The following ANO3 variants were observed in gnomAD, a reference collection of about 807,000 sequenced individuals.
ANO3 encodes anoctamin-3.
In ANO3, 99 loss-of-function variants were observed where a neutral mutation model predicts 144.8. The ratio of observed to expected loss-of-function variants is 0.68; its 90% CI spans 0.58 to 0.81. The LOEUF is 0.81. Among genes scored for constraint, ANO3 ranks in the 30% least tolerant of loss-of-function variants. The pLI is 0.00. For synonymous variants in ANO3, 414 were observed against 392.6 expected, an observed-to-expected ratio of 1.05 and a Z score of -0.64; for missense variants, 905 against 1,202.2, an observed-to-expected ratio of 0.75 and a Z score of 3.66.
intron 1 of ANO3, among the ~76,000 whole-genome samples, chr11:26,239,857 T>C (rs548164919): frequency 2.8e-4 from 43 of 152,346 alleles, no homozygotes; most frequent in African/African-American, 1.0e-3. Context: ...TTGAAGATTT[T>C]TACTCTACTT....
chr11:26,493,896 T>G (rs1332576851), intron 4 of ANO3, among the ~76,000 whole-genome samples: 2 of 152,206 alleles, frequency 1.3e-5, no homozygotes, highest in Admixed American at 1.3e-4. Context: ...ATACCTTCTT[T>G]CAAGCCTGGA....
intron 1 of ANO3, among the ~76,000 whole-genome samples, chr11:26,349,155 G>T (rs561110553): frequency 6.6e-6 from 1 of 152,080 alleles, no homozygotes; most frequent in South Asian, 2.1e-4. Flanking sequence ...GTAATTGATC[G>T]CAACTCAGTT....
chr11:26,378,214 A>G (rs1358969341), intron 1 of ANO3, among the ~76,000 whole-genome samples: 2 of 151,476 alleles, frequency 1.3e-5, no homozygotes, highest in African/African-American at 4.8e-5. Context: ...ATGGGCAATA[A>G]TACCATAAAA....
chr11:26,399,222 G>T (rs1857090397), intron 1 of ANO3, among the ~76,000 whole-genome samples: 1 of 151,744 alleles, frequency 6.6e-6, no homozygotes, highest in South Asian at 2.1e-4. Context: ...TTTTTGCAAG[G>T]CACCCTTTTG....
chr11:26,443,785 A>AAAC lies in ANO3; in HGVS notation c.263_264insACA (p.Asn88delinsLysHis). The AAAC allele has an allele frequency of 6.6e-6, 5 of 760,702 alleles. No individual in the cohort carries two copies. The highest frequency in any genetic ancestry group is 1.1e-5 in the Non-Finnish European group (5 of 465,738). The allele number at this position is 760,702 out of a possible 1,614,324, so 47.1% of individuals were successfully genotyped here. On this transcript the variant is annotated protein_altering_variant, in exon 3 of 27. Transcript: ENST00000256737. ...TTCAGTTAATACTGAGGAGAATAAA[A>AAAC]ACGACTCTGTGCTGAGATGTTCATT...
intron 1 of ANO3, among the ~76,000 whole-genome samples, chr11:26,413,912 T>C (rs1402335193): frequency 6.6e-6 from 1 of 152,086 alleles, no homozygotes; most frequent in Non-Finnish European, 1.5e-5. Flanking sequence ...ACAGTCAACA[T>C]AGTAACTATA....
chr11:26,345,241 T>C (rs1855469140), intron 1 of ANO3, among the ~76,000 whole-genome samples: 1 of 152,084 alleles, frequency 6.6e-6, no homozygotes, highest in Admixed American at 6.6e-5. Context: ...TTATCAGATA[T>C]CCCTTCCTTC....
intron 1 of ANO3, among the ~76,000 whole-genome samples, chr11:26,295,831 C>T (rs1854077245): frequency 6.6e-6 from 1 of 152,124 alleles, no homozygotes; most frequent in Non-Finnish European, 1.5e-5. Flanking sequence ...AAATTCCTCC[C>T]ATGCTCCGTT....
chr11:26,506,063 A>G (rs1861424049), intron 4 of ANO3, among the ~76,000 whole-genome samples: 1 of 151,334 alleles, frequency 6.6e-6, no homozygotes, highest in Non-Finnish European at 1.5e-5. Context: ...GTCATTAGTG[A>G]CATTGTTAAA....
chr11:26,537,677 C>A (rs888339906), intron 10 of ANO3, among the ~76,000 whole-genome samples: 4 of 152,176 alleles, frequency 2.6e-5, no homozygotes, highest in Admixed American at 1.3e-4. Context: ...GGAATCCCAG[C>A]CTTAGCGAGA....
At chr11:26,445,680 G>A (rs1162457496) in intron 3 of ANO3, among the ~76,000 whole-genome samples, 2 of 151,862 alleles carry the variant, frequency 1.3e-5, no homozygotes, top group African/African-American at 2.4e-5. Context: ...TGAGGTGTTT[G>A]CCTTTATAAT....
intron 1 of ANO3, among the ~76,000 whole-genome samples, chr11:26,426,347 T>C (rs954402692): frequency 2.6e-5 from 4 of 152,162 alleles, no homozygotes; most frequent in African/African-American, 9.6e-5. Flanking sequence ...ATGGACCCCA[T>C]CTTGTGCTAT....
intron 1 of ANO3, among the ~76,000 whole-genome samples, chr11:26,340,834 G>T (rs897395890): frequency 1.3e-5 from 2 of 152,058 alleles, no homozygotes; most frequent in Non-Finnish European, 2.9e-5. Flanking sequence ...TTCCTAAATG[G>T]CATTGGCTGT....
At chr11:26,332,082 CCGCCCT>C (rs1855059626), upstream of ANO3, 19 of 1,443,804 alleles carry the variant, frequency 1.3e-5, no homozygotes, top group Non-Finnish European at 1.6e-5. Context: ...GGACGCTAGA[CCGCCCT>C]CCCGCGTTCC....
chr11:26,543,401 A>C (rs78233886), intron 11 of ANO3, among the ~76,000 whole-genome samples: 3,875 of 152,166 alleles, frequency 0.025, 97 homozygotes, highest in Admixed American at 0.078. Context: ...AAAGGAAAAA[A>C]GTAGAATGTG....
At chr11:26,654,940 C>G (rs1590684903) in intron 24 of ANO3, among the ~76,000 whole-genome samples, 1 of 152,048 alleles carries the variant, frequency 6.6e-6, no homozygotes, top group East Asian at 1.9e-4. Context: ...AGAATTAGCT[C>G]CACTTGGTCA....
chr11:26,602,462 C>T (rs1050435577), intron 17 of ANO3, among the ~76,000 whole-genome samples: 4 of 152,102 alleles, frequency 2.6e-5, no homozygotes, highest in Admixed American at 1.3e-4. Flanking sequence ...CATGGTGGCT[C>T]ATGCCTGCAA....
chr11:26,594,675 G>A, intron 14 of ANO3, among the ~76,000 whole-genome samples: 1 of 151,890 alleles, frequency 6.6e-6, no homozygotes, highest in East Asian at 1.9e-4. Context: ...GTTGAAGGGG[G>A]GTCTTTATTA....
chr11:26,561,176 A>C, intron 14 of ANO3: 1 of 1,612,638 alleles, frequency 6.2e-7, no homozygotes, highest in Non-Finnish European at 8.5e-7. Context: ...AGTAGCTAGA[A>C]TTCCCAAAAC....
Sources: allele counts gnomAD v4.1 joint callset (sites outside exome capture counted in the v4.1 genomes callset), GRCh38; gene constraint gnomAD v4.1.1; transcripts MANE v1.5; gene names NCBI Gene and HGNC (gene_info 2026-07-23, HGNC 2026-07-21).